Variants in GSS observed in about 807,000 individuals in gnomAD.
GSS encodes the protein glutathione synthetase.
Under a neutral mutation model 60.4 loss-of-function variants are expected in GSS, and 34 were observed. The observed-to-expected ratio is 0.56, with a 90% CI of 0.43 to 0.75. The LOEUF (loss-of-function observed/expected upper bound fraction) is 0.75, where lower values mean the gene tolerates loss of function less well. GSS is among the 30% of genes least tolerant of loss of function. The probability of loss-of-function intolerance (pLI) is 0.00; values close to 1 mark genes in which losing one functional copy is unlikely to be tolerated. For synonymous variants in GSS, 224 were observed against 239.0 expected, an observed-to-expected ratio of 0.94 and a Z score of 0.58; for missense variants, 499 against 595.1, an observed-to-expected ratio of 0.84 and a Z score of 1.68.
intron 3 of GSS, 94 bp downstream of exon 3, chr20:34,945,859 A>T: frequency 1.5e-6 from 2 of 1,354,084 alleles, no homozygotes; most frequent in South Asian, 2.3e-5. Flanking sequence ...TATCCCACCA[A>T]GTCAGCTGAC....
chr20:34,941,624 C>T (rs2081483380), intron 6 of GSS, 89 bp downstream of exon 6: 2 of 803,356 alleles, frequency 2.5e-6, no homozygotes, highest in Non-Finnish European at 4.5e-6. Flanking sequence ...CCCTTATTCT[C>T]TAATGATGGC....
chr20:34,928,992 A>C (rs779480635), intron 12 of GSS, 41 bp from the exon 13 acceptor site: 1 of 1,612,142 alleles, frequency 6.2e-7, no homozygotes, highest in East Asian at 2.2e-5. Context: ...ACCTGGACTC[A>C]GCCCCAAACC....
intron 12 of GSS, 185 bp from the exon 13 acceptor site, chr20:34,929,136 TC>T: frequency 1.3e-6 from 1 of 750,138 alleles, no homozygotes; most frequent in Non-Finnish European, 2.3e-6. Flanking sequence ...GTGTTCTGAG[TC>T]CTCTTGGTGC....
chr20:34,953,246 A>T (rs2147138094), intron 1 of GSS, among the ~76,000 whole-genome samples: 1 of 152,322 alleles, frequency 6.6e-6, no homozygotes, highest in East Asian at 1.9e-4. Context: ...GTCCCCAGGA[A>T]GGGAGTTAGA....
At chr20:34,934,699 T>G (rs1331384534) in intron 9 of GSS, among the ~76,000 whole-genome samples, 1 of 152,142 alleles carries the variant, frequency 6.6e-6, no homozygotes, top group African/African-American at 2.4e-5. Context: ...AGCCTCCTCA[T>G]GTGGAGCTCA....
chr20:34,954,000 A>AT (rs2081591218), intron 1 of GSS, among the ~76,000 whole-genome samples: 1 of 152,156 alleles, frequency 6.6e-6, no homozygotes, highest in South Asian at 2.1e-4. Flanking sequence ...ACATGAGACC[A>AT]TTTTTTGGCT....
chr20:34,945,924 T>C (rs2081517630), intron 3 of GSS, 29 bp downstream of exon 3: 1 of 1,612,676 alleles, frequency 6.2e-7, no homozygotes, highest in Non-Finnish European at 8.5e-7. Flanking sequence ...TGGCAGCTCC[T>C]GGCCCCCCAA....
intron 2 of GSS, among the ~76,000 whole-genome samples, chr20:34,950,610 A>C (rs2081561535): frequency 6.6e-6 from 1 of 152,006 alleles, no homozygotes; most frequent in Admixed American, 6.6e-5. Flanking sequence ...TACCAAAAAA[A>C]AAAAAAAAAT....
chr20:34,942,825 G>T, intron 4 of GSS, 106 bp downstream of exon 4: 2 of 934,656 alleles, frequency 2.1e-6, no homozygotes, highest in Non-Finnish European at 3.4e-6. Context: ...GTGAGAGGCA[G>T]ATTCCCATGA....
chr20:34,945,006 C>T (rs1219441204), intron 3 of GSS, among the ~76,000 whole-genome samples: 2 of 151,426 alleles, frequency 1.3e-5, no homozygotes, highest in Non-Finnish European at 2.9e-5. Flanking sequence ...AATATATATA[C>T]ATATATATAT....
At chr20:34,936,524 G>A (rs1005078301) in intron 8 of GSS, among the ~76,000 whole-genome samples, 1 of 152,108 alleles carries the variant, frequency 6.6e-6, no homozygotes, top group Non-Finnish European at 1.5e-5. Context: ...GGGAACTTAG[G>A]GCATATGAAA....
chr20:34,943,983 A>G (rs751542545), intron 3 of GSS, among the ~76,000 whole-genome samples: 21 of 152,200 alleles, frequency 1.4e-4, no homozygotes, highest in Non-Finnish European at 2.9e-4. Context: ...CACCTGCTCA[A>G]GCCTGAATCA....
At chr20:34,935,520 T>A (rs2081433950) in intron 9 of GSS, 56 bp downstream of exon 9, 1 of 1,172,770 alleles carries the variant, frequency 8.5e-7, no homozygotes, top group African/African-American at 1.5e-5. Flanking sequence ...ATTGGGTCTC[T>A]GTGGAGCTCT....
At position 34,928,780 on chromosome 20, in the gene GSS, G is replaced by A; in HGVS notation, c.*48C>T. On this transcript the variant is annotated 3_prime_UTR_variant, in exon 13 of 13. Transcript: ENST00000651619. ...GATACCCCTCAGGAGGGCTAGGAGA[G>A]GAATGACAAATACAGAGGATAGAAG... is the stretch of plus-strand genomic sequence containing the variant. 1.2e-6 allele frequency: 2 copies of A among 1,611,072 alleles called. No homozygotes were observed. Among genetic ancestry groups the A allele is most frequent in the Non-Finnish European group, 1.7e-6 (2 of 1,177,402 alleles).
Position 34,928,875 on chromosome 20 carries a change from C to T in GSS, c.1378G>A (p.Gly460Ser). 6.2e-7 allele frequency: 1 copy of T among 1,614,026 alleles called. No individual in the cohort carries two copies. The highest frequency in any genetic ancestry group is 8.5e-7 in the Non-Finnish European group (1 of 1,179,996). The change falls in exon 13 of 13, where the codon GGT becomes AGT. Residue 460 changes from glycine (G) to serine (S), a missense_variant. By Grantham distance (56) the Gly-to-Ser change is moderately conservative. Transcript: ENST00000651619. ...AGGACTGCCACTCCCGCTGCCACAC[C>T]ACCATCTGCATGCTCGATGGCTTTG... ...RTKAIEHADG[G>S]VAAGVAVLDN...
chr20:34,937,592 G>C (rs1338627310), intron 6 of GSS, among the ~76,000 whole-genome samples: 1 of 152,186 alleles, frequency 6.6e-6, no homozygotes, highest in Non-Finnish European at 1.5e-5. Flanking sequence ...GCCCTCCCAA[G>C]ATTCCTATAA....
chr20:34,942,279 G>A (rs531040622), intron 5 of GSS, among the ~76,000 whole-genome samples: 46 of 152,194 alleles, frequency 3.0e-4, no homozygotes, highest in Non-Finnish European at 6.2e-4. Context: ...GGAGGGACAG[G>A]ACTAGATGAG....
chr20:34,931,999 G>C lies in GSS; in HGVS notation c.969C>G (p.Gly323=), dbSNP rs754283024. The C allele has an allele frequency of 1.9e-6, 3 of 1,614,208 alleles. No homozygotes were observed. Among genetic ancestry groups the C allele is most frequent in the Admixed American group, 3.3e-5 (2 of 60,028 alleles). Residue 323 remains glycine (G), a synonymous_variant, in exon 10 of 13, where the codon GGC becomes GGG. Coordinates refer to ENST00000651619, the MANE Select transcript of GSS (RefSeq NM_000178.4). The part of the protein sequence containing the change: ...RPGMLEMLLP[G]QPEAVARLRA... ...GGAGGCGGGCCACAGCCTCAGGCTG[G>C]CCAGGGAGCAACATCTCCAGCATGC...
chr20:34,950,789 T>C (rs2081562981), intron 2 of GSS, among the ~76,000 whole-genome samples: 1 of 152,154 alleles, frequency 6.6e-6, no homozygotes, highest in African/African-American at 2.4e-5. Flanking sequence ...TTGTTATTAG[T>C]TACTTGTTAT....
Sources: allele counts gnomAD v4.1 joint callset (sites outside exome capture counted in the v4.1 genomes callset), GRCh38; gene constraint gnomAD v4.1.1; transcripts MANE v1.5; gene names NCBI Gene and HGNC (gene_info 2026-07-23, HGNC 2026-07-21).